The following ZNF253 variants were observed in gnomAD, a reference collection of about 807,000 sequenced individuals.
The protein encoded by ZNF253 is DNA-binding protein.
A neutral mutation model predicts 11.9 loss-of-function variants in ZNF253; 8 were observed. The ratio of observed to expected loss-of-function variants is 0.67; its 90% CI spans 0.40 to 1.22. The LOEUF is 1.22. Among genes scored for constraint, ZNF253 ranks in the 50% most tolerant of loss-of-function variants. The probability of loss-of-function intolerance (pLI) is 0.01; values close to 1 mark genes in which losing one functional copy is unlikely to be tolerated. For synonymous variants in ZNF253, 194 were observed against 194.9 expected (o/e 1.00, Z 0.04); for missense variants, 485 against 586.9 (o/e 0.83, Z 1.79).
intron 1 of ZNF253, among the ~76,000 whole-genome samples, 164 bp from the exon 2 acceptor site, chr19:19,878,317 G>C (rs1296071975): frequency 7.5e-5 from 7 of 93,882 alleles, no homozygotes; most frequent in Non-Finnish European, 1.4e-4. Context: ...AGAGTTAGAG[G>C]ATACATTAGA....
intron 1 of ZNF253, among the ~76,000 whole-genome samples, chr19:19,866,438 C>A (rs1189211237): frequency 3.9e-5 from 6 of 152,006 alleles, no homozygotes; most frequent in Non-Finnish European, 8.8e-5. Context: ...ATATTTACTT[C>A]TGAAGAAGAG....
chr19:19,885,114 T>G (rs2063193148), intron 3 of ZNF253, among the ~76,000 whole-genome samples: 1 of 152,130 alleles, frequency 6.6e-6, no homozygotes, highest in Admixed American at 6.5e-5. Flanking sequence ...AATTTTGAAG[T>G]ATAGTGTAGT....
chr19:19,878,700 A>G, intron 2 of ZNF253, 93 bp downstream of exon 2: 2 of 1,440,748 alleles, frequency 1.4e-6, no homozygotes, highest in East Asian at 2.4e-5. Flanking sequence ...ATTCTTTGCA[A>G]AGTGGTAGAA....
chr19:19,867,907 G>A (rs2063118165), intron 1 of ZNF253, among the ~76,000 whole-genome samples: 1 of 150,846 alleles, frequency 6.6e-6, no homozygotes, highest in Non-Finnish European at 1.5e-5. Context: ...GGTGTGATGT[G>A]GTATCTCATT....
Position 19,878,498 on chromosome 19 carries a change from A to G in ZNF253, c.21A>G (p.Arg7=), listed in dbSNP as rs2063164706. 1 of 1,613,974 alleles carries G rather than the reference A, an allele frequency of 6.2e-7. No individual in the cohort carries two copies. The highest frequency in any genetic ancestry group is 2.2e-5 in the East Asian group (1 of 44,856). The part of the protein sequence containing the change: MGPLQF[R]DVAIEFSLEE... Reference sequence around the variant, plus strand: ...TTTTCCAGGGACCATTGCAATTTAGAGATGTGGCCATAGAATTCTCTCTGG... The same window carrying G: ...TTTTCCAGGGACCATTGCAATTTAGGGATGTGGCCATAGAATTCTCTCTGG... Residue 7 remains arginine, a synonymous_variant, in exon 2 of 4, where the codon AGA becomes AGG. Coordinates refer to ENST00000589717, the MANE Select transcript of ZNF253 (RefSeq NM_021047.3).
rs1439044530 is a variant in ZNF253, at chr19:19,892,016, A to T, written c.769A>T (p.Lys257Ter). The change falls in exon 4 of 4, where the codon AAA (lysine) becomes TAA (stop). Residue 257 changes from lysine (K) to a stop codon, truncating the protein, a stop_gained. Transcript: ENST00000589717. LOFTEE classifies it low-confidence loss of function (END_TRUNC). Reference protein sequence around the residue: ...KKIHTGEKPYKCEECGKAFNR... With the variant: ...KKIHTGEKPY The stretch of plus-strand genomic sequence containing the variant: ...AATTCATACTGGAGAGAAACCCTAC[A>T]AATGTGAAGAATGTGGCAAAGCCTT... The T allele has an allele frequency of 1.9e-6, 3 of 1,613,722 alleles. No homozygotes were observed. Among genetic ancestry groups the T allele is most frequent in the African/African-American group, 1.3e-5 (1 of 74,936 alleles).
intron 3 of ZNF253, among the ~76,000 whole-genome samples, chr19:19,890,271 C>A (rs1187780495): frequency 6.6e-6 from 1 of 152,130 alleles, no homozygotes; most frequent in African/African-American, 2.4e-5. Flanking sequence ...TAATCACTTG[C>A]TACAGCCATT....
At chr19:19,866,125 A>G (rs568918025) in intron 1 of ZNF253, 126 bp downstream of exon 1, 3 of 1,320,422 alleles carry the variant, frequency 2.3e-6, no homozygotes, top group African/African-American at 2.9e-5. Flanking sequence ...CTCCCTGCCC[A>G]GCTCGGCCTC....
chr19:19,882,438 A>G (rs913156980), intron 3 of ZNF253, among the ~76,000 whole-genome samples: 46 of 152,200 alleles, frequency 3.0e-4, no homozygotes, highest in African/African-American at 1.1e-3. Context: ...TTGGCTTGCT[A>G]CAGGGGCTTG....
At chr19:19,872,653 C>T (rs192041761) in intron 1 of ZNF253, among the ~76,000 whole-genome samples, 6 of 148,888 alleles carry the variant, frequency 4.0e-5, no homozygotes, top group Admixed American at 1.3e-4. Context: ...TTTGTATCAG[C>T]CCACTGTGTC....
chr19:19,885,291 C>CTTTCTTT (rs1226742626), intron 3 of ZNF253, among the ~76,000 whole-genome samples: 1 of 24,768 alleles, frequency 4.0e-5, no homozygotes, highest in Non-Finnish European at 6.3e-5. Context: ...TTCTTTCTTT[C>CTTTCTTT]TCTTTCTTTT....
At chr19:19,869,660 CT>C (rs35926309) in intron 1 of ZNF253, among the ~76,000 whole-genome samples, 1,875 of 103,256 alleles carry the variant, frequency 0.018, 42 homozygotes, top group African/African-American at 0.051. Context: ...CATGCCTGGC[CT>C]TTTTTTTTTT....
chr19:19,876,492 A>G (rs1439921401), intron 1 of ZNF253, among the ~76,000 whole-genome samples: 2 of 138,902 alleles, frequency 1.4e-5, no homozygotes, highest in Non-Finnish European at 3.2e-5. Context: ...GGAGAAACTT[A>G]TATTTTTATC....
intron 1 of ZNF253, among the ~76,000 whole-genome samples, chr19:19,869,528 A>C (rs1269751534): frequency 1.3e-5 from 2 of 149,152 alleles, no homozygotes; most frequent in Non-Finnish European, 3.0e-5. Flanking sequence ...GGCCCAGCTC[A>C]TTTTGTATTT....
At chr19:19,885,049 G>GT (rs2063192850) in intron 3 of ZNF253, among the ~76,000 whole-genome samples, 1 of 151,818 alleles carries the variant, frequency 6.6e-6, no homozygotes, top group African/African-American at 2.4e-5. Context: ...ATATGTAAAT[G>GT]TTTTCAACTA....
chr19:19,868,443 A>G (rs1057107773), intron 1 of ZNF253, among the ~76,000 whole-genome samples: 7 of 152,142 alleles, frequency 4.6e-5, no homozygotes, highest in Non-Finnish European at 1.0e-4. Flanking sequence ...CATTTATTAA[A>G]TGGAGAATTC....
chr19:19,887,451 C>A (rs1354807200), intron 3 of ZNF253, among the ~76,000 whole-genome samples: 1 of 152,050 alleles, frequency 6.6e-6, no homozygotes, highest in African/African-American at 2.4e-5. Context: ...CATCTGCTAC[C>A]ACACCTGGCT....
At chr19:19,878,445 C>A (rs180711659) in intron 1 of ZNF253, 36 bp from the exon 2 acceptor site, 1 of 1,612,304 alleles carries the variant, frequency 6.2e-7, no homozygotes, top group African/African-American at 1.3e-5. Flanking sequence ...TCCTCTCATG[C>A]CATTTAGTAA....
intron 3 of ZNF253, among the ~76,000 whole-genome samples, chr19:19,889,379 C>G (rs1002866413): frequency 1.6e-4 from 24 of 152,260 alleles, no homozygotes; most frequent in African/African-American, 5.8e-4. Context: ...CAGAGTCTCA[C>G]TCTGTTGCCC....
Sources: allele counts gnomAD v4.1 joint callset (sites outside exome capture counted in the v4.1 genomes callset), GRCh38; gene constraint gnomAD v4.1.1; transcripts MANE v1.5; gene names NCBI Gene and HGNC (gene_info 2026-07-23, HGNC 2026-07-21).